The following THSD7B variants were observed in gnomAD, a reference collection of about 807,000 sequenced individuals.
THSD7B encodes the protein thrombospondin type 1 domain containing 7B.
THSD7B carries 138 observed loss-of-function variants against 213.6 expected under a neutral mutation model. The observed-to-expected ratio is 0.65, with a 90% confidence interval of 0.56 to 0.74. The LOEUF (loss-of-function observed/expected upper bound fraction) is 0.74, where lower values mean the gene tolerates loss of function less well. Among genes scored for constraint, THSD7B ranks in the 30% least tolerant of loss-of-function variants. The pLI, the probability that THSD7B is intolerant of heterozygous loss-of-function variation, is 0.00. For missense variants in THSD7B, 1,931 were observed against 1,991.5 expected, an observed-to-expected ratio of 0.97 and a Z score of 0.58; for synonymous variants, 742 against 687.0, an observed-to-expected ratio of 1.08 and a Z score of -1.25.
intron 12 of THSD7B, among the ~76,000 whole-genome samples, chr2:137,292,759 C>G (rs567936608): frequency 1.3e-5 from 2 of 152,246 alleles, no homozygotes; most frequent in East Asian, 3.9e-4. Context: ...TCTTTAACTC[C>G]CAACTGCAAT....
intron 7 of THSD7B, among the ~76,000 whole-genome samples, chr2:137,213,699 T>C (rs908620708): frequency 2.0e-5 from 3 of 152,012 alleles, no homozygotes; most frequent in African/African-American, 7.2e-5. Context: ...CAGACATCAA[T>C]AAACCTGTTT....
intron 1 of THSD7B, among the ~76,000 whole-genome samples, chr2:136,788,025 A>G (rs984016366): frequency 2.0e-5 from 3 of 152,196 alleles, no homozygotes; most frequent in African/African-American, 7.2e-5. Flanking sequence ...AAACTGACTG[A>G]TGCAGAGGAG....
intron 15 of THSD7B, among the ~76,000 whole-genome samples, chr2:137,549,713 C>T (rs1680809756): frequency 6.6e-6 from 1 of 152,006 alleles, no homozygotes; most frequent in South Asian, 2.1e-4. Context: ...CCCCTGGCAA[C>T]CACCATTCTA....
intron 6 of THSD7B, among the ~76,000 whole-genome samples, chr2:137,163,834 G>A (rs774981399): frequency 6.6e-6 from 1 of 152,210 alleles, no homozygotes; most frequent in Non-Finnish European, 1.5e-5. Context: ...AAGAAGTAAG[G>A]TAATTTGTCT....
chr2:137,665,443 G>A (rs1683428284), intron 26 of THSD7B, among the ~76,000 whole-genome samples: 1 of 151,872 alleles, frequency 6.6e-6, no homozygotes, highest in African/African-American at 2.4e-5. Flanking sequence ...AATTGCATGT[G>A]TGTGTGTGTT....
At position 137,130,676 on chromosome 2, in the gene THSD7B, A is replaced by G. The variant is rs867533514; in HGVS notation, c.1369+15383A>G. Among the ~76,000 whole-genome samples, 11 of 150,710 alleles carry G rather than the reference A, an allele frequency of 7.3e-5. 1 individual carries two copies. The highest frequency in any genetic ancestry group is 2.4e-4 in the African/African-American group (10 of 41,108). ...AGTTTACTGAGAATGATGATTTCCA[A>G]TTTCATCCATGTCCCTACAAAGGAC... On this transcript the variant is annotated intron_variant, in intron 5 of 27. Transcript: ENST00000409968.
intron 1 of THSD7B, among the ~76,000 whole-genome samples, chr2:136,771,917 A>G (rs1055373758): frequency 1.1e-4 from 16 of 152,180 alleles, no homozygotes; most frequent in African/African-American, 3.9e-4. Flanking sequence ...AACAAGTGTG[A>G]CTAGTAATTA....
chr2:137,466,224 G>A (rs1687987921), intron 15 of THSD7B, among the ~76,000 whole-genome samples: 1 of 152,090 alleles, frequency 6.6e-6, no homozygotes, highest in African/African-American at 2.4e-5. Flanking sequence ...TAAATATTTT[G>A]GAAGACTTTA....
intron 1 of THSD7B, among the ~76,000 whole-genome samples, chr2:136,783,585 TG>T (rs1217016555): frequency 1.3e-5 from 2 of 151,880 alleles, no homozygotes; most frequent in East Asian, 3.9e-4. Flanking sequence ...GTCACAGCAC[TG>T]CTGAAAATGC....
chr2:137,031,586 T>C (rs1327467920), intron 2 of THSD7B, among the ~76,000 whole-genome samples: 2 of 151,970 alleles, frequency 1.3e-5, no homozygotes, highest in Admixed American at 1.3e-4. Flanking sequence ...ATAATAGGAG[T>C]TCATTTAATA....
At chr2:137,395,512 C>G (rs1686156888) in intron 12 of THSD7B, among the ~76,000 whole-genome samples, 2 of 151,342 alleles carry the variant, frequency 1.3e-5, no homozygotes, top group African/African-American at 4.9e-5. Context: ...AGGGATGAAG[C>G]CCACTTGATC....
In THSD7B at chr2:136,765,639, C is replaced by A. The variant is rs1272512118; in HGVS notation, c.-84C>A. 1 of 148,906 alleles carries A rather than the reference C, an allele frequency of 6.7e-6. No individual in the cohort carries two copies. Among genetic ancestry groups the A allele is most frequent in the Non-Finnish European group, 1.5e-5 (1 of 67,442 alleles). The allele number at this position is 148,906 out of a possible 1,614,324, so 9.2% of individuals were successfully genotyped here. On this transcript the variant is annotated 5_prime_UTR_variant, in exon 1 of 28. Transcript: ENST00000409968. ...CCATCTTTCTTGCGCTCGGGAAGCT[C>A]GGGGCTCAGCGGCTCCCAGAGGTTA...
At chr2:136,887,300 T>G (rs932818783) in intron 2 of THSD7B, among the ~76,000 whole-genome samples, 22 of 148,578 alleles carry the variant, frequency 1.5e-4, no homozygotes, top group African/African-American at 5.4e-4. Flanking sequence ...TCCATATTTG[T>G]TGTGTGTGTG....
chr2:136,914,549 G>T (rs1684320404), intron 2 of THSD7B, among the ~76,000 whole-genome samples: 1 of 152,192 alleles, frequency 6.6e-6, no homozygotes, highest in Non-Finnish European at 1.5e-5. Flanking sequence ...GGAGAGACCT[G>T]TTGGGAGGTA....
intron 2 of THSD7B, among the ~76,000 whole-genome samples, chr2:136,964,677 G>A (rs1256949864): frequency 6.6e-6 from 1 of 152,000 alleles, no homozygotes; most frequent in East Asian, 1.9e-4. Flanking sequence ...CATCTCTCCA[G>A]CTGTCATCTC....
chr2:137,630,839 C>A (rs1004214632), intron 20 of THSD7B, among the ~76,000 whole-genome samples: 2 of 152,126 alleles, frequency 1.3e-5, no homozygotes, highest in Non-Finnish European at 2.9e-5. Flanking sequence ...AGTGGGCATG[C>A]GAGTTACCTG....
At chr2:137,497,898 A>T (rs1679608118) in intron 15 of THSD7B, among the ~76,000 whole-genome samples, 1 of 152,176 alleles carries the variant, frequency 6.6e-6, no homozygotes, top group African/African-American at 2.4e-5. Context: ...AAGGCTCAAA[A>T]ACCCCAAGGA....
At chr2:137,367,005 C>T (rs1294940030) in intron 12 of THSD7B, among the ~76,000 whole-genome samples, 1 of 151,868 alleles carries the variant, frequency 6.6e-6, no homozygotes, top group Non-Finnish European at 1.5e-5. Flanking sequence ...ATTACATCTT[C>T]AAGGTTAATA....
At chr2:137,454,345 T>C (rs1057433726) in intron 15 of THSD7B, among the ~76,000 whole-genome samples, 1 of 152,104 alleles carries the variant, frequency 6.6e-6, no homozygotes, top group Non-Finnish European at 1.5e-5. Flanking sequence ...GCAAATAATA[T>C]AGTGAAAAAT....
Sources: allele counts gnomAD v4.1 joint callset (sites outside exome capture counted in the v4.1 genomes callset), GRCh38; gene constraint gnomAD v4.1.1; transcripts MANE v1.5; gene names NCBI Gene and HGNC (gene_info 2026-07-23, HGNC 2026-07-21).